Variants in CD2AP observed in about 807,000 individuals in gnomAD.
CD2AP encodes the protein CD2 associated protein.
CD2AP carries 46 observed loss-of-function variants against 85.1 expected under a neutral mutation model. The observed-to-expected ratio is 0.54, with a 90% CI of 0.43 to 0.69. The LOEUF is 0.69. Ranked by LOEUF, CD2AP falls within the 30% of genes least tolerant of loss-of-function variation. The pLI is 0.00. For missense variants in CD2AP, 769 were observed against 729.5 expected (o/e 1.05, Z -0.62); for synonymous variants, 255 against 252.9 (o/e 1.01, Z -0.08).
intron 17 of CD2AP, among the ~76,000 whole-genome samples, chr6:47,615,900 C>G (rs2114158572): frequency 1.3e-5 from 2 of 151,150 alleles, no homozygotes; most frequent in South Asian, 4.2e-4. Flanking sequence ...CCACCTCGGT[C>G]TCCAGAGTAG....
intron 3 of CD2AP, among the ~76,000 whole-genome samples, chr6:47,543,881 T>C (rs976194392): frequency 2.0e-5 from 3 of 152,202 alleles, no homozygotes; most frequent in Non-Finnish European, 4.4e-5. Flanking sequence ...GTTACACTGT[T>C]GCTGCTGGTT....
intron 2 of CD2AP, among the ~76,000 whole-genome samples, chr6:47,505,677 A>AC (rs1175973781): frequency 9.9e-5 from 5 of 50,676 alleles, no homozygotes; most frequent in Non-Finnish European, 1.4e-4. Context: ...GGGGGGGCTG[A>AC]CCCCCCCATC....
chr6:47,536,643 C>T (rs924652479), intron 3 of CD2AP, among the ~76,000 whole-genome samples: 1 of 152,144 alleles, frequency 6.6e-6, no homozygotes, highest in Non-Finnish European at 1.5e-5. Flanking sequence ...AGCATGGTAG[C>T]TCATTTGGTA....
rs1353017712 is a variant in CD2AP, at chr6:47,599,305, A to G, written c.1279A>G (p.Asn427Asp). ...VPPPPPIAKI[N>D]GEVSSISSKF... is the part of the protein sequence containing the mutation. Reference sequence around the variant, plus strand: ...CGTGTTTTTTTCTTATTTCAGGATTAATGGGGAAGTTTCTAGCATTTCATC... The same window carrying G: ...CGTGTTTTTTTCTTATTTCAGGATTGATGGGGAAGTTTCTAGCATTTCATC... Residue 427 changes from asparagine (N) to aspartate (D), a missense_variant, in exon 13 of 18, where the codon AAT (asparagine) becomes GAT (aspartate). Transcript: ENST00000359314. The G allele has an allele frequency of 6.2e-7, 1 of 1,611,704 alleles. No homozygotes were observed. The highest frequency in any genetic ancestry group is 8.5e-7 in the Non-Finnish European group (1 of 1,178,492).
chr6:47,605,010 T>A (rs1769232376), intron 13 of CD2AP, among the ~76,000 whole-genome samples: 1 of 152,082 alleles, frequency 6.6e-6, no homozygotes, highest in Non-Finnish European at 1.5e-5. Flanking sequence ...AAAAGCATTT[T>A]CTAAATAAGT....
At chr6:47,507,384 T>C (rs1766200112) in intron 2 of CD2AP, among the ~76,000 whole-genome samples, 1 of 152,210 alleles carries the variant, frequency 6.6e-6, no homozygotes, top group Non-Finnish European at 1.5e-5. Flanking sequence ...ATGGTGACTC[T>C]AGAAACCTTT....
At chr6:47,503,895 TTGAAC>T (rs1766061504) in intron 2 of CD2AP, among the ~76,000 whole-genome samples, 1 of 152,232 alleles carries the variant, frequency 6.6e-6, no homozygotes, top group Non-Finnish European at 1.5e-5. Flanking sequence ...ACAAGAGACT[TTGAAC>T]TGAAGTCTGG....
At chr6:47,603,968 A>ATTT (rs1187379681) in intron 13 of CD2AP, among the ~76,000 whole-genome samples, 1 of 152,020 alleles carries the variant, frequency 6.6e-6, no homozygotes, top group African/African-American at 2.4e-5. Context: ...TTGGTTTTCC[A>ATTT]TTTTTAGATA....
chr6:47,554,125 C>T (rs150924939), intron 4 of CD2AP, among the ~76,000 whole-genome samples: 127 of 152,192 alleles, frequency 8.3e-4, no homozygotes, highest in African/African-American at 2.8e-3. Flanking sequence ...GTTGCCCAGG[C>T]TGATCTCAAA....
At chr6:47,563,232 G>A (rs568532239) in intron 5 of CD2AP, among the ~76,000 whole-genome samples, 32 of 152,240 alleles carry the variant, frequency 2.1e-4, no homozygotes, top group African/African-American at 6.3e-4. Context: ...ACATCTCTAG[G>A]GGGAAGACAA....
chr6:47,562,517 C>T, intron 5 of CD2AP: 1 of 262,868 alleles, frequency 3.8e-6, no homozygotes, highest in Non-Finnish European at 7.4e-6. Flanking sequence ...AAAGTGAAGA[C>T]ATAAATTAGT....
intron 2 of CD2AP, among the ~76,000 whole-genome samples, chr6:47,509,156 G>A (rs867976261): frequency 6.6e-6 from 1 of 152,282 alleles, no homozygotes. Context: ...TGAGGAGTGG[G>A]AAAGGGTAGG....
At chr6:47,605,667 A>G (rs114212155) in intron 13 of CD2AP, among the ~76,000 whole-genome samples, 2,969 of 152,168 alleles carry the variant, frequency 0.02, 92 homozygotes, top group African/African-American at 0.066. Context: ...CTTTTGCTTT[A>G]TATTGAGAAA....
intron 17 of CD2AP, among the ~76,000 whole-genome samples, chr6:47,615,262 C>G (rs1262592883): frequency 6.6e-6 from 1 of 152,110 alleles, no homozygotes; most frequent in African/African-American, 2.4e-5. Flanking sequence ...ATTAGACACA[C>G]ATAACAACAT....
chr6:47,617,834 C>T (rs919594936), intron 17 of CD2AP, among the ~76,000 whole-genome samples: 7 of 152,122 alleles, frequency 4.6e-5, no homozygotes, highest in African/African-American at 9.7e-5. Flanking sequence ...TAATTTGGTC[C>T]TAGCTATCTT....
intron 11 of CD2AP, among the ~76,000 whole-genome samples, chr6:47,582,680 GT>G (rs1421768713): frequency 6.6e-6 from 1 of 151,560 alleles, no homozygotes; most frequent in East Asian, 1.9e-4. Context: ...ATCCATCCTT[GT>G]TTCTTGCCTA....
intron 15 of CD2AP, among the ~76,000 whole-genome samples, chr6:47,608,894 T>C (rs1268436042): frequency 6.6e-6 from 1 of 152,174 alleles, no homozygotes; most frequent in Non-Finnish European, 1.5e-5. Context: ...TTTCTTCCTT[T>C]TTTCTTCTGT....
Position 47,606,167 on chromosome 6 carries a change from G to T in CD2AP, c.1420G>T (p.Val474Phe), listed in dbSNP as rs1363164299. 4 of 1,484,060 alleles carry T rather than the reference G, an allele frequency of 2.7e-6. No homozygotes were observed. Among genetic ancestry groups the T allele is most frequent in the Non-Finnish European group, 3.8e-6 (4 of 1,061,824 alleles). The allele number at this position is 1,484,060 out of a possible 1,614,324, so 91.9% of individuals were successfully genotyped here. A position where few individuals can be genotyped will look rare whatever the true frequency, so the allele number is the denominator to read the frequency against. The change falls in exon 14 of 18, where the codon GTT becomes TTT. Residue 474 changes from valine (V) to phenylalanine (F), a missense_variant and splice_region_variant. Transcript: ENST00000359314. ...LTVRTSKETD[V>F]VNFDDIASSE... is the part of the protein sequence containing the mutation. ...TAATGTTTATTTTTATTTTCTAGAT[G>T]TTGTAAATTTTGATGACATAGCTTC...
intron 3 of CD2AP, among the ~76,000 whole-genome samples, chr6:47,543,361 A>G (rs1767283050): frequency 1.3e-5 from 2 of 152,134 alleles, no homozygotes; most frequent in Non-Finnish European, 2.9e-5. Flanking sequence ...AGGGTGACTG[A>G]ATTATTGGGT....
Sources: allele counts gnomAD v4.1 joint callset (sites outside exome capture counted in the v4.1 genomes callset), GRCh38; gene constraint gnomAD v4.1.1; transcripts MANE v1.5; gene names NCBI Gene and HGNC (gene_info 2026-07-23, HGNC 2026-07-21).